Variants in TBC1D5 observed in about 807,000 individuals in gnomAD.
The protein encoded by TBC1D5 is TBC1 domain family, member 5.
Under a neutral mutation model 100.3 loss-of-function variants are expected in TBC1D5, and 75 were observed. That is an observed-to-expected ratio of 0.75 (90% CI 0.62 to 0.91). TBC1D5 has a LOEUF of 0.91. Ranked by LOEUF, TBC1D5 falls within the 40% of genes least tolerant of loss-of-function variation. The pLI is 0.00. For synonymous variants in TBC1D5, 323 were observed against 325.6 expected, an observed-to-expected ratio of 0.99 and a Z score of 0.09; for missense variants, 910 against 942.4, an observed-to-expected ratio of 0.97 and a Z score of 0.45.
chr3:17,480,811 C>T (rs904455737), intron 3 of TBC1D5, among the ~76,000 whole-genome samples: 15 of 152,188 alleles, frequency 9.9e-5, no homozygotes, highest in African/African-American at 2.9e-4. Flanking sequence ...TCAGGTCTCC[C>T]GAGAGCTGCC....
Position 17,406,594 on chromosome 3 carries a change from C to A in TBC1D5, c.168-68G>T, listed in dbSNP as rs549511347. 2.8e-4 allele frequency: 399 copies of A among 1,426,352 alleles called. 2 individuals carry two copies. Among genetic ancestry groups the A allele is most frequent in the Admixed American group, 1.5e-3 (74 of 48,242 alleles). 88.4% of individuals were successfully genotyped at this position (1,426,352 alleles called of 1,614,324 possible). On this transcript the variant is annotated intron_variant, in intron 4 of 21. Transcript: ENST00000253692. ...TTCCTCTGCTTGGAGAGAAGTTCTA[C>A]GGGAAATTAATTTTAAGTAAGTCTA...
At chr3:17,613,934 T>C (rs2153629061) in intron 2 of TBC1D5, among the ~76,000 whole-genome samples, 1 of 152,336 alleles carries the variant, frequency 6.6e-6, no homozygotes, top group Middle Eastern at 3.4e-3. Context: ...CCATTGCTTT[T>C]GGTGTTTCAG....
intron 3 of TBC1D5, among the ~76,000 whole-genome samples, chr3:17,490,782 G>A (rs1360964302): frequency 6.6e-6 from 1 of 152,112 alleles, no homozygotes; most frequent in Non-Finnish European, 1.5e-5. Flanking sequence ...GCTTAGGATT[G>A]TCTTGGATAT....
chr3:17,164,815 T>C (rs146711824), intron 21 of TBC1D5, among the ~76,000 whole-genome samples: 11 of 152,374 alleles, frequency 7.2e-5, no homozygotes, highest in Admixed American at 3.9e-4. Context: ...TCTTTCTGAC[T>C]TGCTTGCTTG....
intron 2 of TBC1D5, among the ~76,000 whole-genome samples, chr3:17,534,230 A>AT: frequency 6.6e-6 from 1 of 152,274 alleles, no homozygotes; most frequent in African/African-American, 2.4e-5. Context: ...TGTTTCTAAC[A>AT]TACTATGGGG....
At chr3:17,549,463 T>C (rs1356766038) in intron 2 of TBC1D5, among the ~76,000 whole-genome samples, 2 of 152,200 alleles carry the variant, frequency 1.3e-5, no homozygotes, top group African/African-American at 4.8e-5. Context: ...CGAGTCCTTG[T>C]TCATTTTAAT....
At chr3:17,582,502 A>T (rs1440122919) in intron 2 of TBC1D5, among the ~76,000 whole-genome samples, 1 of 152,152 alleles carries the variant, frequency 6.6e-6, no homozygotes, top group African/African-American at 2.4e-5. Flanking sequence ...AGTACAGCTA[A>T]CTCAGTAGTA....
chr3:17,469,198 C>CT (rs1576186569), intron 3 of TBC1D5, among the ~76,000 whole-genome samples: 1 of 152,124 alleles, frequency 6.6e-6, no homozygotes, highest in East Asian at 1.9e-4. Flanking sequence ...TAATTATAGA[C>CT]TATCAAATCA....
chr3:17,460,827 T>C (rs563464923), intron 3 of TBC1D5, among the ~76,000 whole-genome samples: 21 of 152,074 alleles, frequency 1.4e-4, no homozygotes, highest in Middle Eastern at 3.4e-3. Flanking sequence ...AACTTCAATA[T>C]ACTAGTGGGT....
At chr3:17,494,724 G>C (rs2150635060) in intron 3 of TBC1D5, among the ~76,000 whole-genome samples, 1 of 152,278 alleles carries the variant, frequency 6.6e-6, no homozygotes, top group South Asian at 2.1e-4. Context: ...CCCGAACCCA[G>C]TCTCCCTGGC....
chr3:17,238,546 A>T (rs1337857520), intron 16 of TBC1D5, 127 bp from the exon 17 acceptor site: 3 of 1,095,568 alleles, frequency 2.7e-6, no homozygotes, highest in Non-Finnish European at 3.7e-6. Context: ...AGCTATATAA[A>T]GTGAGAAGTG....
chr3:17,448,435 T>C (rs2094848947), intron 3 of TBC1D5, among the ~76,000 whole-genome samples: 1 of 152,182 alleles, frequency 6.6e-6, no homozygotes, highest in Non-Finnish European at 1.5e-5. Flanking sequence ...TTCCAATGTA[T>C]TTTGCTCTGA....
At chr3:17,174,824 C>T (rs1257337407) in intron 19 of TBC1D5, among the ~76,000 whole-genome samples, 1 of 152,138 alleles carries the variant, frequency 6.6e-6, no homozygotes, top group Admixed American at 6.5e-5. Flanking sequence ...GAACTCCTGA[C>T]CTTGTGATCC....
At chr3:17,447,093 A>T (rs990416965) in intron 3 of TBC1D5, among the ~76,000 whole-genome samples, 1 of 152,218 alleles carries the variant, frequency 6.6e-6, no homozygotes, top group Non-Finnish European at 1.5e-5. Context: ...TGTTACTGTC[A>T]AGGCCAGATA....
intron 13 of TBC1D5, among the ~76,000 whole-genome samples, chr3:17,353,524 T>C (rs895481164): frequency 2.0e-5 from 3 of 152,114 alleles, no homozygotes; most frequent in Non-Finnish European, 2.9e-5. Flanking sequence ...TATATTTCAA[T>C]GCATAACTAT....
At chr3:17,522,479 C>T (rs1381180620) in intron 2 of TBC1D5, among the ~76,000 whole-genome samples, 4 of 152,076 alleles carry the variant, frequency 2.6e-5, no homozygotes, top group African/African-American at 9.7e-5. Flanking sequence ...ATAGTGCTCA[C>T]ATAATATCTT....
chr3:17,532,312 A>T lies in TBC1D5; in HGVS notation c.-35-23707T>A, dbSNP rs535653337. Among the ~76,000 whole-genome samples, 3 of 152,124 alleles carry T rather than the reference A, an allele frequency of 2.0e-5. No homozygotes were observed. The South Asian group carries it at 6.2e-4, about 32-fold the overall frequency. On this transcript the variant is annotated intron_variant, in intron 2 of 21. Transcript: ENST00000253692. The stretch of plus-strand genomic sequence containing the variant: ...TACCATCTCACACCAGTTAGAATGG[A>T]GATCATTAAAAAGTCAGGAAACAAC...
chr3:17,343,184 T>C (rs981666697), intron 13 of TBC1D5, among the ~76,000 whole-genome samples: 2 of 152,212 alleles, frequency 1.3e-5, no homozygotes, highest in African/African-American at 2.4e-5. Context: ...GAAGCGTTGT[T>C]GAATTTTGTC....
chr3:17,482,786 T>C (rs2095516085), intron 3 of TBC1D5, among the ~76,000 whole-genome samples: 1 of 152,174 alleles, frequency 6.6e-6, no homozygotes, highest in Non-Finnish European at 1.5e-5. Context: ...CTCAAATTGA[T>C]ACAAATGATC....
Sources: allele counts gnomAD v4.1 joint callset (sites outside exome capture counted in the v4.1 genomes callset), GRCh38; gene constraint gnomAD v4.1.1; transcripts MANE v1.5; gene names NCBI Gene and HGNC (gene_info 2026-07-23, HGNC 2026-07-21).